Variants in C5AR2 observed in about 807,000 individuals in gnomAD.
C5AR2 encodes the protein complement C5a receptor 2.
For missense variants in C5AR2, 458 were observed against 467.5 expected, an observed-to-expected ratio of 0.98 and a Z score of 0.19; for synonymous variants, 224 against 216.5, an observed-to-expected ratio of 1.03 and a Z score of -0.30.
rs750297519 is a variant in C5AR2, at chr19:47,340,766, G to A, written c.-15-19G>A. 1.7e-5 allele frequency: 28 copies of A among 1,611,980 alleles called. No homozygotes were observed. Among genetic ancestry groups the A allele is most frequent in the Admixed American group, 1.2e-4 (7 of 59,982 alleles). On this transcript the variant is annotated intron_variant, in intron 1 of 1. Transcript: ENST00000595464. ...GAGTTTCCTCCTCTGAGTTTTCATC[G>A]TCTTTCTCTCCTGCCCAGACACCAG... is the stretch of plus-strand genomic sequence containing the variant.
At chr19:47,338,333 C>G (rs957019685) in intron 1 of C5AR2, among the ~76,000 whole-genome samples, 2 of 148,556 alleles carry the variant, frequency 1.3e-5, no homozygotes, top group Non-Finnish European at 3.0e-5. Flanking sequence ...TGTAGTCCCA[C>G]GTACTCAGGA....
At position 47,341,729 on chromosome 19, in the gene C5AR2, C is replaced by T. The variant is rs373635111; in HGVS notation, c.930C>T (p.Ala310=). 9.9e-6 allele frequency: 16 copies of T among 1,613,792 alleles called. No individual in the cohort carries two copies. In the African/African-American group the frequency reaches 1.7e-4, roughly 17 times the overall value. The change falls in exon 2 of 2, where the codon GCC becomes GCT. Residue 310 remains alanine (A), a synonymous_variant. Coordinates refer to ENST00000595464, the MANE Select transcript of C5AR2 (RefSeq NM_001271749.2). This position sits in a 1 kb window ranked among gnomAD's most constrained non-coding sequence, Gnocchi z 4.6. The part of the protein sequence containing the change: ...RRSLPAACHW[A]LRESQGQDES... Reference sequence around the variant, plus strand: ...CACTGCCAGCTGCCTGTCACTGGGCCCTGAGGGAGTCCCAGGGCCAGGACG... The same window carrying T: ...CACTGCCAGCTGCCTGTCACTGGGCTCTGAGGGAGTCCCAGGGCCAGGACG...
In C5AR2 at chr19:47,341,410, G is replaced by A. The variant is rs140624718; in HGVS notation, c.611G>A (p.Arg204Gln). Residue 204 changes from arginine to glutamine, a missense_variant, in exon 2 of 2, where the codon CGG becomes CAG. By Grantham distance (43) the Arg-to-Gln change is conservative (BLOSUM62 1). Coordinates refer to ENST00000595464, the MANE Select transcript of C5AR2 (RefSeq NM_001271749.2). The surrounding 1 kb of genome is among the most constrained non-coding windows in gnomAD (Gnocchi z 4.6). ...SSTENAVTAI[R>Q]FLFGFLGPLV... ...ACCGAGAATGCGGTGACTGCCATCC[G>A]GTTTCTTTTTGGCTTCCTGGGGCCC... The A allele has an allele frequency of 1.9e-5, 30 of 1,612,464 alleles. No individual in the cohort carries two copies. Among genetic ancestry groups the A allele is most frequent in the Admixed American group, 3.3e-5 (2 of 59,990 alleles).
chr19:47,337,808 T>C (rs2059364168), intron 1 of C5AR2, among the ~76,000 whole-genome samples: 1 of 152,116 alleles, frequency 6.6e-6, no homozygotes, highest in African/African-American at 2.4e-5. Context: ...CGGTGGCTCA[T>C]GCCTGTAATC....
intron 1 of C5AR2, among the ~76,000 whole-genome samples, chr19:47,334,747 C>G (rs1251375523): frequency 6.6e-6 from 1 of 151,814 alleles, no homozygotes; most frequent in African/African-American, 2.4e-5. Flanking sequence ...GAGACAGGGT[C>G]TCACTCTGTT....
chr19:47,338,690 T>TAATAATAATAATAATA (rs1385945632), intron 1 of C5AR2, among the ~76,000 whole-genome samples: 35 of 50,286 alleles, frequency 7.0e-4, no homozygotes, highest in Admixed American at 2.7e-3. Context: ...TAATAATAAT[T>TAATAATAATAATAATA]AATCAGGCAT....
At chr19:47,338,689 T>TAA (rs1555808685) in intron 1 of C5AR2, among the ~76,000 whole-genome samples, 4,391 of 141,566 alleles carry the variant, frequency 0.031, 138 homozygotes, top group East Asian at 0.12. Context: ...ATAATAATAA[T>TAA]TAATCAGGCA....
rs1969044660 is a variant in C5AR2 at position 47,341,833 on chromosome 19, T to C, written c.*20T>C. On this transcript the variant is annotated 3_prime_UTR_variant, in exon 2 of 2. Transcript: ENST00000595464. The surrounding 1 kb of genome is among the most constrained non-coding windows in gnomAD (Gnocchi z 4.6). ...GTGTAGGCTGGAGAGACATTGTGGG[T>C]GTGTATCTTCTTATCTCATTTCACA... is the stretch of plus-strand genomic sequence containing the variant. 3 of 1,607,540 alleles carry C rather than the reference T, an allele frequency of 1.9e-6. No homozygotes were observed. Among genetic ancestry groups the C allele is most frequent in the Non-Finnish European group, 2.6e-6 (3 of 1,175,494 alleles).
rs764591306 is a variant in C5AR2, at chr19:47,341,206, C to T, written c.407C>T (p.Ala136Val). ...AALSADLCFLALGPAWWSTVQ... is the reference protein window; with the variant it reads ...AALSADLCFLVLGPAWWSTVQ... ...CTCAGTGCCGACCTCTGCTTCCTGG[C>T]TCTCGGGCCTGCCTGGTGGTCTACG... The change falls in exon 2 of 2, where the codon GCT (alanine) becomes GTT (valine). Residue 136 changes from alanine to valine, a missense_variant. Coordinates refer to ENST00000595464, the MANE Select transcript of C5AR2 (RefSeq NM_001271749.2). This position sits in a 1 kb window ranked among gnomAD's most constrained non-coding sequence, Gnocchi z 4.6. The T allele has an allele frequency of 1.2e-6, 2 of 1,601,164 alleles. No homozygotes were observed. The highest frequency in any genetic ancestry group is 1.7e-6 in the Non-Finnish European group (2 of 1,179,880).
Position 47,341,308 on chromosome 19 carries a change from C to A in C5AR2, c.509C>A (p.Ala170Asp). ...TLALLLTVPS[A>D]IYRRLHQEHF... is the part of the protein sequence containing the mutation. ...GCCTTGCTGCTCACCGTGCCCTCCGCCATCTACCGCCGGCTGCACCAGGAG... is the reference window on the plus strand; with the variant it reads ...GCCTTGCTGCTCACCGTGCCCTCCGACATCTACCGCCGGCTGCACCAGGAG... The change falls in exon 2 of 2, where the codon GCC (alanine) becomes GAC (aspartate). Residue 170 changes from alanine (A) to aspartate (D), a missense_variant. Ala to Asp is a moderately radical substitution (Grantham distance 126, BLOSUM62 -2). Coordinates refer to ENST00000595464, the MANE Select transcript of C5AR2 (RefSeq NM_001271749.2). This position sits in a 1 kb window ranked among gnomAD's most constrained non-coding sequence, Gnocchi z 4.6. 2 of 1,609,722 alleles carry A rather than the reference C, an allele frequency of 1.2e-6. No homozygotes were observed. The highest frequency in any genetic ancestry group is 2.2e-5 in the East Asian group (1 of 44,866).
Position 47,339,057 on chromosome 19 carries a change from G to C in C5AR2, c.-15-1728G>C, listed in dbSNP as rs778096523. ...TAATCTCAGCTACTTGGGAGGCTGA[G>C]GCAGGAGAATTGCTTGAACCCAGGA... is the stretch of plus-strand genomic sequence containing the variant. On this transcript the variant is annotated intron_variant, in intron 1 of 1. Transcript: ENST00000595464. 1.8e-4 allele frequency among the ~76,000 whole-genome samples: 28 copies of C among 151,650 alleles called. 1 individual carries two copies. The highest frequency in any genetic ancestry group is 3.8e-4 in the Non-Finnish European group (26 of 67,928).
chr19:47,335,041 C>G (rs555231134), intron 1 of C5AR2, among the ~76,000 whole-genome samples: 2 of 123,436 alleles, frequency 1.6e-5, no homozygotes, highest in Non-Finnish European at 3.3e-5. Flanking sequence ...CTCGCCCCCA[C>G]GCCCAGCTAA....
intron 1 of C5AR2, among the ~76,000 whole-genome samples, chr19:47,338,517 TA>T (rs1303962876): frequency 4.3e-4 from 64 of 149,776 alleles, no homozygotes; most frequent in African/African-American, 1.4e-3. Context: ...ATAATAATTT[TA>T]TTATTATTAT....
In C5AR2 at chr19:47,341,406, A is replaced by G. The variant is rs2122173028; in HGVS notation, c.607A>G (p.Ile203Val). ...SSSTENAVTA[I>V]RFLFGFLGPL... ...CAGCACCGAGAATGCGGTGACTGCCATCCGGTTTCTTTTTGGCTTCCTGGG... is the reference window on the plus strand; with the variant it reads ...CAGCACCGAGAATGCGGTGACTGCCGTCCGGTTTCTTTTTGGCTTCCTGGG... The change falls in exon 2 of 2, where the codon ATC becomes GTC. Residue 203 changes from isoleucine (I) to valine (V), a missense_variant. Ile to Val is a conservative substitution (Grantham distance 29, BLOSUM62 3). Coordinates refer to ENST00000595464, the MANE Select transcript of C5AR2 (RefSeq NM_001271749.2). The surrounding 1 kb of genome is among the most constrained non-coding windows in gnomAD (Gnocchi z 4.6). The G allele has an allele frequency of 6.2e-7, 1 of 1,612,244 alleles. No homozygotes were observed. Among genetic ancestry groups the G allele is most frequent in the Admixed American group, 1.7e-5 (1 of 59,980 alleles).
At chr19:47,336,468 CCTTCCTTCCTTCCTTCCTTCCTTT>C (rs1568668382) in intron 1 of C5AR2, among the ~76,000 whole-genome samples, 2,050 of 87,246 alleles carry the variant, frequency 0.023, 35 homozygotes, top group African/African-American at 0.067. Flanking sequence ...TTCCTTCCTT[CCTTCCTTCCTTCCTTCCTTCCTTT>C]CTTTCTTTCT....
chr19:47,339,543 C>T (rs1481991047), intron 1 of C5AR2, among the ~76,000 whole-genome samples: 1 of 152,120 alleles, frequency 6.6e-6, no homozygotes, highest in South Asian at 2.1e-4. Context: ...TCTCAAACTC[C>T]TGACCTCAGG....
intron 1 of C5AR2, among the ~76,000 whole-genome samples, chr19:47,335,771 CAAAA>C (rs768761019): frequency 1.3e-4 from 3 of 23,034 alleles, no homozygotes; most frequent in South Asian, 3.4e-3. Context: ...TACTCCGTCT[CAAAA>C]AAAAAAAAAA....
At chr19:47,335,771 CAAAAAAAAAAAA>C (rs768761019) in intron 1 of C5AR2, among the ~76,000 whole-genome samples, 2 of 23,030 alleles carry the variant, frequency 8.7e-5, no homozygotes, top group Admixed American at 9.0e-4. Flanking sequence ...TACTCCGTCT[CAAAAAAAAAAAA>C]AAAAAAAAAA....
At chr19:47,339,251 G>C (rs1286467391) in intron 1 of C5AR2, among the ~76,000 whole-genome samples, 2 of 152,152 alleles carry the variant, frequency 1.3e-5, no homozygotes, top group South Asian at 4.1e-4. Context: ...TGATGTCCTT[G>C]CGTTGCCCAC....
Sources: allele counts gnomAD v4.1 joint callset (sites outside exome capture counted in the v4.1 genomes callset), GRCh38; gene constraint gnomAD v4.1.1; non-coding constraint Gnocchi (gnomAD v3.1); transcripts MANE v1.5; gene names NCBI Gene and HGNC (gene_info 2026-07-23, HGNC 2026-07-21).